The following PPP6R3 variants were observed in gnomAD, a reference collection of about 807,000 sequenced individuals.
PPP6R3 encodes serine/threonine-protein phosphatase 6 regulatory subunit 3.
PPP6R3 carries 38 observed loss-of-function variants against 110.7 expected under a neutral mutation model. That is an observed-to-expected ratio of 0.34 (90% CI 0.26 to 0.45). The LOEUF (loss-of-function observed/expected upper bound fraction) is 0.45. Ranked by LOEUF, PPP6R3 falls within the 20% of genes least tolerant of loss-of-function variation. PPP6R3 has a pLI of 1.00. For synonymous variants in PPP6R3, 369 were observed against 373.5 expected (o/e 0.99, Z 0.14); for missense variants, 870 against 1,062.4 (o/e 0.82, Z 2.52).
chr11:68,613,927 T>C lies in PPP6R3; in HGVS notation c.*810T>C. ...TTTTTTTTTTTTTTTGGCTTTTGTT[T>C]TTGTTTGTTTTTTTGTTTCATTTGG... On this transcript the variant is annotated 3_prime_UTR_variant, in exon 24 of 24. Transcript: ENST00000393800. 3.0e-6 allele frequency: 3 copies of C among 984,896 alleles called. No individual in the cohort carries two copies. The highest frequency in any genetic ancestry group is 3.6e-6 in the Non-Finnish European group (3 of 829,374). 61.0% of individuals were successfully genotyped at this position (984,896 alleles called of 1,614,324 possible). A position where few individuals can be genotyped will look rare whatever the true frequency, so the allele number is the denominator to read the frequency against.
At chr11:68,581,507 C>G (rs2153821322) in intron 14 of PPP6R3, among the ~76,000 whole-genome samples, 1 of 152,334 alleles carries the variant, frequency 6.6e-6, no homozygotes, top group African/African-American at 2.4e-5. Context: ...ATTTCTGTGC[C>G]CCACCATGGG....
intron 16 of PPP6R3, among the ~76,000 whole-genome samples, chr11:68,590,092 A>G (rs970548306): frequency 2.6e-5 from 4 of 152,188 alleles, no homozygotes; most frequent in African/African-American, 9.7e-5. Flanking sequence ...TGCTTGGACT[A>G]GTGATTGAGT....
At chr11:68,607,588 G>A (rs982676533) in intron 22 of PPP6R3, among the ~76,000 whole-genome samples, 15 of 152,230 alleles carry the variant, frequency 9.9e-5, no homozygotes, top group African/African-American at 3.6e-4. Flanking sequence ...TGAGGAAACT[G>A]AGGCACTAGA....
chr11:68,558,579 G>C lies in PPP6R3; in HGVS notation c.745G>C (p.Glu249Gln), dbSNP rs756137212. 1 of 1,609,138 alleles carries C rather than the reference G, an allele frequency of 6.2e-7. No individual in the cohort carries two copies. Among genetic ancestry groups the C allele is most frequent in the Non-Finnish European group, 8.5e-7 (1 of 1,176,668 alleles). Residue 249 changes from glutamate (E) to glutamine (Q), a missense_variant, in exon 8 of 24, where the codon GAG (glutamate) becomes CAG (glutamine). By Grantham distance (29) the Glu-to-Gln change is conservative (BLOSUM62 2). Coordinates refer to ENST00000393800, the MANE Select transcript of PPP6R3 (RefSeq NM_001164161.2). ...LATLEKQEII[E>Q]QLLSNIFHKE... ...TTGTTTCCCTAGGCAAGAAATTATA[G>C]AGCAGCTTCTATCAAATATTTTCCA...
At chr11:68,487,752 A>G (rs2098957432) in intron 1 of PPP6R3, among the ~76,000 whole-genome samples, 3 of 152,020 alleles carry the variant, frequency 2.0e-5, no homozygotes, top group South Asian at 2.1e-4. Flanking sequence ...CTGAGAGTAC[A>G]TTGTATGATT....
At chr11:68,485,573 G>A (rs1401320164) in intron 1 of PPP6R3, among the ~76,000 whole-genome samples, 1 of 152,126 alleles carries the variant, frequency 6.6e-6, no homozygotes, top group Non-Finnish European at 1.5e-5. Flanking sequence ...CTAGTTTTCT[G>A]AGTGTTTTTT....
intron 1 of PPP6R3, among the ~76,000 whole-genome samples, chr11:68,462,550 C>T (rs575713789): frequency 9.2e-5 from 14 of 152,266 alleles, no homozygotes; most frequent in Admixed American, 9.2e-4. Context: ...TGTAAGTCCT[C>T]CTTGTTACTG....
intron 2 of PPP6R3, among the ~76,000 whole-genome samples, chr11:68,519,952 A>G (rs1395311009): frequency 6.6e-6 from 1 of 152,196 alleles, no homozygotes; most frequent in Non-Finnish European, 1.5e-5. Flanking sequence ...ATGCAGAGAA[A>G]GACTCGCCGC....
chr11:68,535,071 T>C (rs993577894), intron 2 of PPP6R3, among the ~76,000 whole-genome samples: 2 of 152,258 alleles, frequency 1.3e-5, no homozygotes, highest in African/African-American at 4.8e-5. Context: ...AAGATTTATA[T>C]CCACTGACCT....
At chr11:68,562,480 A>G (rs1009017875) in intron 8 of PPP6R3, among the ~76,000 whole-genome samples, 9 of 152,178 alleles carry the variant, frequency 5.9e-5, no homozygotes, top group Non-Finnish European at 1.5e-5. Context: ...AGCCAAAACA[A>G]TTTTGCAAGA....
chr11:68,605,778 A>G (rs1446102984), intron 22 of PPP6R3, among the ~76,000 whole-genome samples: 1 of 152,228 alleles, frequency 6.6e-6, no homozygotes, highest in East Asian at 1.9e-4. Context: ...AAGGATGCAA[A>G]CAAGCAACTG....
chr11:68,530,488 T>C (rs1454218705), intron 2 of PPP6R3, among the ~76,000 whole-genome samples: 1 of 152,256 alleles, frequency 6.6e-6, no homozygotes, highest in Admixed American at 6.5e-5. Flanking sequence ...CTGTTTGTGC[T>C]CCGTATGTTT....
Position 68,558,691 on chromosome 11 carries a change from T to G in PPP6R3, c.845+12T>G. ...ACACGACGACCAACGTAAGCTTTTC[T>G]TATATCTTACAAAATGAACCATGTT... is the stretch of plus-strand genomic sequence containing the variant. On this transcript the variant is annotated intron_variant, in intron 8 of 23. Transcript: ENST00000393800. 1 of 1,566,812 alleles carries G rather than the reference T, an allele frequency of 6.4e-7. No homozygotes were observed. Among genetic ancestry groups the G allele is most frequent in the Non-Finnish European group, 8.8e-7 (1 of 1,140,876 alleles).
chr11:68,587,691 A>G (rs2099583138), intron 15 of PPP6R3: 1 of 583,056 alleles, frequency 1.7e-6, no homozygotes, highest in East Asian at 3.1e-5. Flanking sequence ...GAGTGGTCAC[A>G]TAGTGTTTCT....
chr11:68,601,280 T>C (rs2099630997), intron 20 of PPP6R3, among the ~76,000 whole-genome samples: 1 of 152,192 alleles, frequency 6.6e-6, no homozygotes, highest in Non-Finnish European at 1.5e-5. Flanking sequence ...TTGAAGCAGC[T>C]TGCTTCTCTT....
intron 1 of PPP6R3, among the ~76,000 whole-genome samples, chr11:68,509,207 G>A (rs867421409): frequency 9.2e-5 from 14 of 152,304 alleles, no homozygotes; most frequent in Admixed American, 1.3e-4. Context: ...GTTCTTTAGG[G>A]AGAACCTTTC....
At chr11:68,555,863 A>G (rs1235291241) in intron 7 of PPP6R3, among the ~76,000 whole-genome samples, 3 of 152,208 alleles carry the variant, frequency 2.0e-5, no homozygotes, top group Non-Finnish European at 4.4e-5. Flanking sequence ...GTGGAAAGAA[A>G]ATCTGTCATA....
At chr11:68,595,615 G>A (rs1007689539) in intron 18 of PPP6R3, among the ~76,000 whole-genome samples, 1 of 152,024 alleles carries the variant, frequency 6.6e-6, no homozygotes, top group Non-Finnish European at 1.5e-5. Context: ...CCATGCACTG[G>A]GAGAAAACAT....
intron 1 of PPP6R3, among the ~76,000 whole-genome samples, chr11:68,487,607 AATACTTT>A (rs1426529387): frequency 6.6e-6 from 1 of 152,132 alleles, no homozygotes. Context: ...TTTAGTTAAA[AATACTTT>A]CAACTTTCTC....
Sources: gnomAD v4.1 joint callset for allele counts (sites outside exome capture counted in the v4.1 genomes callset) on GRCh38, gnomAD v4.1.1 for gene constraint, MANE v1.5 for transcripts, NCBI Gene and HGNC (gene_info 2026-07-23, HGNC 2026-07-21) for gene names.